SLK: variants seen among roughly 807,000 people sequenced by gnomAD.
SLK encodes STE20-like serine/threonine-protein kinase.
A neutral mutation model predicts 147.7 loss-of-function variants in SLK; 67 were observed. That is an observed-to-expected ratio of 0.45 (90% CI 0.37 to 0.56). The LOEUF (loss-of-function observed/expected upper bound fraction) is 0.56, where lower values mean the gene tolerates loss of function less well. Ranked by LOEUF, SLK falls within the 20% of genes least tolerant of loss-of-function variation. The probability of loss-of-function intolerance (pLI) is 0.00; values close to 1 mark genes in which losing one functional copy is unlikely to be tolerated. For missense variants in SLK, 1,136 were observed against 1,438.8 expected (o/e 0.79, Z 3.41); for synonymous variants, 441 against 475.0 (o/e 0.93, Z 0.93).
chr10:104,008,578 C>T (rs977768526), intron 12 of SLK, among the ~76,000 whole-genome samples: 1 of 152,022 alleles, frequency 6.6e-6, no homozygotes, highest in African/African-American at 2.4e-5. Flanking sequence ...TTTTAGTGAC[C>T]TGTTTAAGTT....
chr10:103,996,808 G>T (rs141309377), intron 4 of SLK, among the ~76,000 whole-genome samples: 1 of 152,104 alleles, frequency 6.6e-6, no homozygotes, highest in Non-Finnish European at 1.5e-5. Context: ...GCATTGACTT[G>T]CTTCTTTAGA....
In SLK at chr10:103,998,887, G is replaced by C. The variant is rs1844209281; in HGVS notation, c.515-12G>C. On this transcript the variant is annotated splice_polypyrimidine_tract_variant and intron_variant, in intron 4 of 18. Transcript: ENST00000369755. ...AAAGTTCTCATTAATGCTTTTGTGT[G>C]ATTATTTCAAGCGGATTTTGGAGTA... The C allele has an allele frequency of 6.2e-7, 1 of 1,600,564 alleles. No homozygotes were observed. The highest frequency in any genetic ancestry group is 1.7e-5 in the Admixed American group (1 of 59,784).
rs189702827 is a variant in SLK at position 104,009,651 on chromosome 10, T to A, written c.2785-1165T>A. 4.6e-3 allele frequency among the ~76,000 whole-genome samples: 704 copies of A among 152,256 alleles called. 3 individuals carry two copies. Among genetic ancestry groups the A allele is most frequent in the Middle Eastern group, 0.017 (5 of 294 alleles). ...CTTTATCTCAGTGAAATTTAAAAAA[T>A]TTTACAGATAAATATATGGTTTAAT... is the stretch of plus-strand genomic sequence containing the variant. On this transcript the variant is annotated intron_variant, in intron 12 of 18. Transcript: ENST00000369755.
intron 12 of SLK, among the ~76,000 whole-genome samples, chr10:104,009,010 C>A (rs1844366428): frequency 6.6e-6 from 1 of 151,992 alleles, no homozygotes; most frequent in Non-Finnish European, 1.5e-5. Context: ...TTCATTGTTT[C>A]CTGAAACTGT....
intron 15 of SLK, 123 bp from the exon 16 acceptor site, chr10:104,019,611 G>A (rs1397140127): frequency 1.3e-6 from 1 of 787,486 alleles, no homozygotes; most frequent in Non-Finnish European, 2.1e-6. Flanking sequence ...TATTTTGCTG[G>A]TCACTGCAAC....
intron 11 of SLK, among the ~76,000 whole-genome samples, chr10:104,007,021 T>G (rs897624491): frequency 1.3e-5 from 2 of 152,156 alleles, no homozygotes; most frequent in African/African-American, 4.8e-5. Context: ...GGAGTCTTGT[T>G]GCAAGAGTAG....
At chr10:103,969,978 T>C (rs12412938) in intron 1 of SLK, among the ~76,000 whole-genome samples, 3,197 of 152,306 alleles carry the variant, frequency 0.021, 49 homozygotes, top group South Asian at 0.068. Flanking sequence ...TTATCGAATA[T>C]AAACAGCTTA....
rs1347950681 is a variant in SLK, at chr10:104,003,422, T to C, written c.2244T>C (p.Asn748=). The C allele has an allele frequency of 1.2e-6, 2 of 1,614,000 alleles. No individual in the cohort carries two copies. Among genetic ancestry groups the C allele is most frequent in the African/African-American group, 2.7e-5 (2 of 75,048 alleles). ...PESENPKEND[N]DSGTGSTADT... ...CTGAGAATCCAAAGGAAAATGATAATGATTCAGGCACTGGTTCCACTGCTG... is the reference window on the plus strand; with the variant it reads ...CTGAGAATCCAAAGGAAAATGATAACGATTCAGGCACTGGTTCCACTGCTG... Residue 748 remains asparagine (N), a synonymous_variant, in exon 9 of 19, where the codon AAT becomes AAC. Coordinates refer to ENST00000369755, the MANE Select transcript of SLK (RefSeq NM_014720.4).
At chr10:103,973,207 A>C (rs999250728) in intron 1 of SLK, among the ~76,000 whole-genome samples, 1 of 152,222 alleles carries the variant, frequency 6.6e-6, no homozygotes, top group Non-Finnish European at 1.5e-5. Context: ...AGATGTTTGT[A>C]AATGGTATGA....
intron 1 of SLK, among the ~76,000 whole-genome samples, chr10:103,976,771 G>A (rs190598962): frequency 6.6e-6 from 1 of 152,238 alleles, no homozygotes; most frequent in African/African-American, 2.4e-5. Flanking sequence ...CCCACACCAA[G>A]CTCAAGATAG....
chr10:104,019,111 G>T (rs929340530), intron 15 of SLK: 4 of 461,768 alleles, frequency 8.7e-6, no homozygotes, highest in Non-Finnish European at 1.5e-5. Context: ...TATAAGGAAA[G>T]TAACTAATTA....
chr10:104,019,943 C>T, intron 16 of SLK, 21 bp downstream of exon 16: 1 of 1,582,370 alleles, frequency 6.3e-7, no homozygotes, highest in Non-Finnish European at 8.6e-7. Flanking sequence ...AAGTTAGTCT[C>T]TTCTCTTTTA....
chr10:103,976,223 A>G (rs1843868400), intron 1 of SLK, among the ~76,000 whole-genome samples: 1 of 152,116 alleles, frequency 6.6e-6, no homozygotes, highest in Non-Finnish European at 1.5e-5. Context: ...TAAATTAAAA[A>G]CCAAAAAATA....
At chr10:103,976,430 A>C (rs926941011) in intron 1 of SLK, among the ~76,000 whole-genome samples, 3 of 152,024 alleles carry the variant, frequency 2.0e-5, no homozygotes, top group African/African-American at 7.3e-5. Flanking sequence ...ATTGTTATTA[A>C]TATTATCTTT....
rs759976399 is a variant in SLK at position 103,986,668 on chromosome 10, GTTTTTTT to G, written c.151-3989_151-3983del. Among the ~76,000 whole-genome samples, 81 of 97,246 alleles carry G rather than the reference GTTTTTTT, an allele frequency of 8.3e-4. No homozygotes were observed. In the South Asian group the frequency reaches 0.024, roughly 29 times the overall value. The allele number at this position is 97,246 out of a possible 152,430, so 63.8% of individuals were successfully genotyped here. ...ATTTCATTAAGCCTTTATGTGAAGA[GTTTTTTT>G]TTTTTTTTTTTTTTTTTCCCTGAGA... On this transcript the variant is annotated intron_variant, in intron 1 of 18. Transcript: ENST00000369755.
In SLK at chr10:103,992,141, G is replaced by GTTTTTTTTTTTTTTT. The variant is rs56381345; in HGVS notation, c.316-453_316-439dup. Among the ~76,000 whole-genome samples, 25 of 91,800 alleles carry GTTTTTTTTTTTTTTT rather than the reference G, an allele frequency of 2.7e-4. 3 individuals carry two copies. Among genetic ancestry groups the GTTTTTTTTTTTTTTT allele is most frequent in the Non-Finnish European group, 4.6e-4 (22 of 47,894 alleles). 60.2% of individuals were successfully genotyped at this position (91,800 alleles called of 152,430 possible). ...TGAAGCTTTTGTGGGTATTTCTTCTGTTTTTTTTTTTTTTTTTTCTAAAAG... is the reference window on the plus strand; with the variant it reads ...TGAAGCTTTTGTGGGTATTTCTTCTGTTTTTTTTTTTTTTTTTTTTTTTTTTTTTTTTTCTAAAAG... On this transcript the variant is annotated intron_variant, in intron 2 of 18. Transcript: ENST00000369755.
At chr10:104,018,125 A>G (rs776185402) in intron 13 of SLK, 35 bp from the exon 14 acceptor site, 3 of 1,525,956 alleles carry the variant, frequency 2.0e-6, no homozygotes, top group Non-Finnish European at 2.7e-6. Flanking sequence ...AGTTCATTAG[A>G]TACTTATTAA....
At chr10:104,018,658 C>G (rs1049714478) in intron 14 of SLK, 126 bp from the exon 15 acceptor site, 29 of 971,514 alleles carry the variant, frequency 3.0e-5, no homozygotes, top group Non-Finnish European at 3.5e-5. Flanking sequence ...TTGGACAGCT[C>G]AGAATGTCAA....
At chr10:103,997,865 A>T (rs1023177069) in intron 4 of SLK, among the ~76,000 whole-genome samples, 1 of 152,040 alleles carries the variant, frequency 6.6e-6, no homozygotes, top group Non-Finnish European at 1.5e-5. Context: ...TTTTTTGTAA[A>T]TATATTGAAA....
Sources: allele counts gnomAD v4.1 joint callset (sites outside exome capture counted in the v4.1 genomes callset), GRCh38; gene constraint gnomAD v4.1.1; transcripts MANE v1.5; gene names NCBI Gene and HGNC (gene_info 2026-07-23, HGNC 2026-07-21).